The following GPR39 variants were observed in gnomAD, a reference collection of about 807,000 sequenced individuals.
GPR39 encodes G protein-coupled receptor 39, also known as zinc sensing receptor.
A neutral mutation model predicts 18.4 loss-of-function variants in GPR39; 23 were observed. The observed-to-expected ratio is 1.25, with a 90% confidence interval of 0.90 to 1.77. The LOEUF (loss-of-function observed/expected upper bound fraction) is 1.77. Ranked by LOEUF, GPR39 falls within the 40% of genes most tolerant of loss-of-function variation. The pLI is 0.00. For missense variants in GPR39, 647 were observed against 602.4 expected (o/e 1.07, Z -0.78); for synonymous variants, 280 against 257.9 (o/e 1.09, Z -0.82).
intron 1 of GPR39, among the ~76,000 whole-genome samples, chr2:132,642,911 G>C (rs1226981128): frequency 4.6e-5 from 7 of 152,140 alleles, no homozygotes; most frequent in African/African-American, 1.4e-4. Context: ...AAAATATGTG[G>C]CTTCCTCAGG....
intron 1 of GPR39, among the ~76,000 whole-genome samples, chr2:132,467,898 G>C (rs141056075): frequency 6.6e-6 from 1 of 152,124 alleles, no homozygotes; most frequent in African/African-American, 2.4e-5. Context: ...AAGCCTCAGA[G>C]AATTTTCCAG....
At chr2:132,633,783 T>C (rs1416015205) in intron 1 of GPR39, among the ~76,000 whole-genome samples, 1 of 152,024 alleles carries the variant, frequency 6.6e-6, no homozygotes, top group Non-Finnish European at 1.5e-5. Context: ...GAGGTGGAAG[T>C]CATGGTAGAG....
At chr2:132,538,604 C>T (rs1261697527) in intron 1 of GPR39, among the ~76,000 whole-genome samples, 1 of 152,214 alleles carries the variant, frequency 6.6e-6, no homozygotes, top group African/African-American at 2.4e-5. Flanking sequence ...TTGTCAGGAT[C>T]AGCTGCTCTT....
chr2:132,552,879 T>TATATAC (rs1558836934), intron 1 of GPR39, among the ~76,000 whole-genome samples: 4 of 101,942 alleles, frequency 3.9e-5, no homozygotes, highest in Non-Finnish European at 5.8e-5. Flanking sequence ...TATACACATA[T>TATATAC]ATATATACAC....
chr2:132,601,883 A>G (rs1001310136), intron 1 of GPR39, among the ~76,000 whole-genome samples: 1 of 152,160 alleles, frequency 6.6e-6, no homozygotes, highest in East Asian at 1.9e-4. Context: ...AATGAAAACT[A>G]CAAAACACTG....
chr2:132,620,384 G>A (rs770278550), intron 1 of GPR39, among the ~76,000 whole-genome samples: 49 of 152,118 alleles, frequency 3.2e-4, no homozygotes, highest in Non-Finnish European at 5.9e-4. Flanking sequence ...ACTCAGTCAT[G>A]AAAGGGACAT....
chr2:132,532,432 A>G (rs558101966), intron 1 of GPR39, among the ~76,000 whole-genome samples: 1 of 152,304 alleles, frequency 6.6e-6, no homozygotes, highest in South Asian at 2.1e-4. Context: ...AGGAAGTGGT[A>G]CCATTCCTTC....
intron 1 of GPR39, among the ~76,000 whole-genome samples, chr2:132,472,303 A>C (rs1382183082): frequency 1.3e-5 from 2 of 152,224 alleles, no homozygotes; most frequent in African/African-American, 4.8e-5. Context: ...GCCCTTCTGT[A>C]GGTCCCTCCA....
At chr2:132,419,225 T>A (rs1316779937) in intron 1 of GPR39, among the ~76,000 whole-genome samples, 1 of 152,230 alleles carries the variant, frequency 6.6e-6, no homozygotes, top group African/African-American at 2.4e-5. Flanking sequence ...CTTTACTCTG[T>A]GTCTGCACAA....
At chr2:132,641,598 AT>A (rs1681857520) in intron 1 of GPR39, among the ~76,000 whole-genome samples, 1 of 152,228 alleles carries the variant, frequency 6.6e-6, no homozygotes, top group Non-Finnish European at 1.5e-5. Flanking sequence ...GTATTAAAAA[AT>A]GTAAGACATT....
chr2:132,583,814 G>A (rs957845352), intron 1 of GPR39, among the ~76,000 whole-genome samples: 1 of 151,382 alleles, frequency 6.6e-6, no homozygotes, highest in Non-Finnish European at 1.5e-5. Context: ...CTTCAGCTGA[G>A]GCTGCAGCCA....
At chr2:132,601,736 A>G (rs1320613080) in intron 1 of GPR39, among the ~76,000 whole-genome samples, 2 of 152,204 alleles carry the variant, frequency 1.3e-5, no homozygotes, top group East Asian at 3.8e-4. Flanking sequence ...GCAGGATAAA[A>G]ACATGCAAAA....
intron 1 of GPR39, among the ~76,000 whole-genome samples, chr2:132,616,948 C>T (rs1487617545): frequency 1.3e-5 from 2 of 152,220 alleles, no homozygotes; most frequent in Non-Finnish European, 2.9e-5. Context: ...AGTTTCTGTA[C>T]ACAAACACAA....
chr2:132,617,746 A>C (rs1681363070), intron 1 of GPR39, among the ~76,000 whole-genome samples: 1 of 152,198 alleles, frequency 6.6e-6, no homozygotes, highest in Non-Finnish European at 1.5e-5. Flanking sequence ...ACTTGTGAAA[A>C]TTCAGATTAA....
chr2:132,500,628 C>T (rs1422274819), intron 1 of GPR39, among the ~76,000 whole-genome samples: 1 of 152,002 alleles, frequency 6.6e-6, no homozygotes, highest in Non-Finnish European at 1.5e-5. Context: ...TTTCCTCTAT[C>T]TTTTGAAATA....
At chr2:132,463,868 C>T (rs933522992) in intron 1 of GPR39, among the ~76,000 whole-genome samples, 4 of 152,186 alleles carry the variant, frequency 2.6e-5, no homozygotes, top group African/African-American at 9.7e-5. Flanking sequence ...GAGATGGGCT[C>T]ATTCACTTGT....
In GPR39 at chr2:132,417,483, G is replaced by A. The variant is rs140240801; in HGVS notation, c.441G>A (p.Ser147=). 565 of 1,614,102 alleles carry A rather than the reference G, an allele frequency of 3.5e-4. No individual in the cohort carries two copies. The African/African-American group carries it at 6.3e-3, about 18-fold the overall frequency. ...ICHPFRYKAV[S]GPCQVKLLIG... is the part of the protein sequence containing the mutation. Reference sequence around the variant, plus strand: ...ACCCCTTCAGGTACAAGGCTGTGTCGGGACCTTGCCAGGTGAAGCTGCTGA... The same window carrying A: ...ACCCCTTCAGGTACAAGGCTGTGTCAGGACCTTGCCAGGTGAAGCTGCTGA... The change falls in exon 1 of 2, where the codon TCG becomes TCA. Residue 147 remains serine (S), a synonymous_variant. Transcript: ENST00000329321.
chr2:132,484,086 G>A (rs1681285450), intron 1 of GPR39, among the ~76,000 whole-genome samples: 1 of 152,148 alleles, frequency 6.6e-6, no homozygotes, highest in Admixed American at 6.5e-5. Context: ...CCCATCTTCA[G>A]TTCCTTAGGC....
chr2:132,623,254 G>T (rs1681477943), intron 1 of GPR39, among the ~76,000 whole-genome samples: 1 of 152,312 alleles, frequency 6.6e-6, no homozygotes, highest in Non-Finnish European at 1.5e-5. Flanking sequence ...GAGCCCCTGG[G>T]ATGGACGAGG....
Sources: allele counts gnomAD v4.1 joint callset (sites outside exome capture counted in the v4.1 genomes callset), GRCh38; gene constraint gnomAD v4.1.1; transcripts MANE v1.5; gene names NCBI Gene and HGNC (gene_info 2026-07-23, HGNC 2026-07-21).